BOD1L1: variants seen among roughly 807,000 people sequenced by gnomAD.
BOD1L1 encodes the protein biorientation of chromosomes in cell division protein 1-like 1.
In BOD1L1, 86 loss-of-function variants were observed where a neutral mutation model predicts 240.7. That is an observed-to-expected ratio of 0.36 (90% CI 0.30 to 0.43). BOD1L1 has a LOEUF of 0.43. BOD1L1 is among the 20% of genes least tolerant of loss of function. The pLI is 1.00. For synonymous variants in BOD1L1, 1,268 were observed against 1,272.3 expected (o/e 1.00, Z 0.07); for missense variants, 3,554 against 3,643.5 (o/e 0.98, Z 0.63).
chr4:13,588,662 T>C, intron 15 of BOD1L1, 60 bp downstream of exon 15: 1 of 1,267,168 alleles, frequency 7.9e-7, no homozygotes, highest in Non-Finnish European at 1.1e-6. Flanking sequence ...AAGCCCTTCT[T>C]TGTGTACAGT....
chr4:13,586,899 A>C lies in BOD1L1; in HGVS notation c.8354-424T>G, dbSNP rs535421232. ...TAATCTCTTTATCTATAAGATGACA[A>C]CACCACCTAACTTACAGGTTTATTG... On this transcript the variant is annotated intron_variant, in intron 16 of 25. Coordinates refer to ENST00000040738, the MANE Select transcript of BOD1L1 (RefSeq NM_148894.3). Among the ~76,000 whole-genome samples, 49 of 152,354 alleles carry C rather than the reference A, an allele frequency of 3.2e-4. No homozygotes were observed. The Middle Eastern group carries it at 0.01, about 32-fold the overall frequency.
intron 2 of BOD1L1, among the ~76,000 whole-genome samples, chr4:13,616,436 C>T (rs1325296839): frequency 2.0e-5 from 3 of 152,104 alleles, no homozygotes; most frequent in East Asian, 1.9e-4. Flanking sequence ...GACAAAAGAG[C>T]GATGAGGACA....
intron 25 of BOD1L1, among the ~76,000 whole-genome samples, chr4:13,575,999 G>A (rs1038811174): frequency 2.0e-5 from 3 of 148,136 alleles, no homozygotes; most frequent in African/African-American, 7.5e-5. Context: ...GCCTCCCACG[G>A]TTAAGCAATT....
Position 13,584,346 on chromosome 4 carries a change from C to CTG in BOD1L1, c.8434-1612_8434-1611dup, listed in dbSNP as rs374759828. On this transcript the variant is annotated intron_variant, in intron 17 of 25. Coordinates refer to ENST00000040738, the MANE Select transcript of BOD1L1 (RefSeq NM_148894.3). Reference sequence around the variant, plus strand: ...TCAGCTCAGGACCTCTTCAAGTGCTCTGTGTGTGTGTGTGTGTGAGAGAGA... The same window carrying CTG: ...TCAGCTCAGGACCTCTTCAAGTGCTCTGTGTGTGTGTGTGTGTGTGAGAGAGA... Among the ~76,000 whole-genome samples, 967 of 150,302 alleles carry CTG rather than the reference C, an allele frequency of 6.4e-3. 6 individuals carry two copies. The highest frequency in any genetic ancestry group is 0.021 in the African/African-American group (852 of 40,968).
chr4:13,619,804 T>A lies in BOD1L1; in HGVS notation c.368+139A>T, dbSNP rs192112042. 5.6e-6 allele frequency: 6 copies of A among 1,078,574 alleles called. 1 individual carries two copies. In the African/African-American group the frequency reaches 6.4e-5, roughly 11 times the overall value. 66.8% of individuals were successfully genotyped at this position (1,078,574 alleles called of 1,614,324 possible). A position where few individuals can be genotyped will look rare whatever the true frequency, so the allele number is the denominator to read the frequency against. ...GACCCAAATCCAAAATTATGCTACATCACACGAAATAGCCACACCAAATCC... is the reference window on the plus strand; with the variant it reads ...GACCCAAATCCAAAATTATGCTACAACACACGAAATAGCCACACCAAATCC... On this transcript the variant is annotated intron_variant, in intron 2 of 25. Transcript: ENST00000040738.
intron 17 of BOD1L1, among the ~76,000 whole-genome samples, 179 bp from the exon 18 acceptor site, chr4:13,582,915 A>C (rs1374878874): frequency 1.3e-5 from 2 of 152,246 alleles, no homozygotes; most frequent in East Asian, 1.9e-4. Flanking sequence ...CCATAAAAAA[A>C]ATAAACATTC....
At chr4:13,610,648 T>A (rs1341706551) in intron 6 of BOD1L1, among the ~76,000 whole-genome samples, 4 of 152,254 alleles carry the variant, frequency 2.6e-5, no homozygotes, top group Non-Finnish European at 5.9e-5. Context: ...TCCCTAAGAT[T>A]TGTCACTATG....
chr4:13,600,990 T>G lies in BOD1L1; in HGVS notation c.5910A>C (p.Pro1970=), dbSNP rs1347292330. ...TAGGACCCTCACAACCTCCTGGAAC[T>G]GGTGTCACTTCATCCTTTCCTGAGA... ...SAVSGKDEVT[P]VPGGCEGPMT... Residue 1970 remains proline (P), a synonymous_variant, in exon 10 of 26, where the codon CCA becomes CCC. Coordinates refer to ENST00000040738, the MANE Select transcript of BOD1L1 (RefSeq NM_148894.3). The G allele has an allele frequency of 6.2e-7, 1 of 1,613,696 alleles. No individual in the cohort carries two copies. The highest frequency in any genetic ancestry group is 8.5e-7 in the Non-Finnish European group (1 of 1,179,842).
chr4:13,582,402 A>C (rs1215927243), intron 18 of BOD1L1, 92 bp from the exon 19 acceptor site: 1 of 924,458 alleles, frequency 1.1e-6, no homozygotes, highest in African/African-American at 1.6e-5. Flanking sequence ...GCAGCCACAC[A>C]TAACCACACA....
At chr4:13,586,349 C>A in intron 17 of BOD1L1, 47 bp downstream of exon 17, 1 of 1,253,446 alleles carries the variant, frequency 8.0e-7, no homozygotes, top group South Asian at 1.3e-5. Context: ...GTAATTAGGC[C>A]TCCCTACCCC....
rs1327634542 is a variant in BOD1L1 at position 13,627,682 on chromosome 4, G to C, written c.-95C>G. 64 of 994,280 alleles carry C rather than the reference G, an allele frequency of 6.4e-5. No homozygotes were observed. Among genetic ancestry groups the C allele is most frequent in the Non-Finnish European group, 7.7e-5 (64 of 832,524 alleles). The allele number at this position is 994,280 out of a possible 1,614,324, so 61.6% of individuals were successfully genotyped here. On this transcript the variant is annotated 5_prime_UTR_variant, in exon 1 of 26. Coordinates refer to ENST00000040738, the MANE Select transcript of BOD1L1 (RefSeq NM_148894.3). ...TCCCGCCGCCTGAGGGAAGCCAACG[G>C]GATGTTGTTACGGAACCAGCGGATC...
rs755561841 is a variant in BOD1L1 at position 13,615,362 on chromosome 4, C to T, written c.509G>A (p.Gly170Asp). The change falls in exon 3 of 26, where the codon GGC (glycine) becomes GAC (aspartate). Residue 170 changes from glycine to aspartate, a missense_variant. Transcript: ENST00000040738. ...TTTCTCATCATCGGGAGCTGTGTTG[C>T]CACTTCCTTCCTCTTTGTGATTTAG... ...ATLNHKEEGS[G>D]NTAPDDEKPD... The T allele has an allele frequency of 1.9e-6, 3 of 1,613,416 alleles. No homozygotes were observed. Among genetic ancestry groups the T allele is most frequent in the South Asian group, 2.2e-5 (2 of 91,014 alleles).
rs760277135 is a variant in BOD1L1 at position 13,613,144 on chromosome 4, T to C, written c.1324+368A>G. 5.3e-5 allele frequency among the ~76,000 whole-genome samples: 8 copies of C among 152,156 alleles called. No individual in the cohort carries two copies. Among genetic ancestry groups the C allele is most frequent in the Non-Finnish European group, 7.4e-5 (5 of 68,024 alleles). On this transcript the variant is annotated intron_variant, in intron 5 of 25. Transcript: ENST00000040738. The surrounding 1 kb of genome is among the most constrained non-coding windows in gnomAD (Gnocchi z 4.0). ...CAAATTATCAAATCTAACGGTGGTC[T>C]TAGGGAACCCGGAACTTGCAACTGG...
Position 13,604,935 on chromosome 4 carries a change from T to C in BOD1L1, c.1965A>G (p.Lys655=). ...KNESKLEREH[K]RRTSTPVIME... ...TGATAACAGGGGTAGATGTCCGTCT[T>C]TTATGTTCTCTTTCTAATTTGGATT... Residue 655 remains lysine (K), a synonymous_variant, in exon 10 of 26, where the codon AAA becomes AAG. Transcript: ENST00000040738. 1.2e-6 allele frequency: 2 copies of C among 1,613,768 alleles called. No homozygotes were observed. The highest frequency in any genetic ancestry group is 8.5e-7 in the Non-Finnish European group (1 of 1,179,814).
At position 13,601,203 on chromosome 4, in the gene BOD1L1, A is replaced by G. The variant is rs751450346; in HGVS notation, c.5697T>C (p.Cys1899=). 17 of 1,613,752 alleles carry G rather than the reference A, an allele frequency of 1.1e-5. No individual in the cohort carries two copies. The African/African-American group carries it at 1.7e-4, about 16-fold the overall frequency. The change falls in exon 10 of 26, where the codon TGT becomes TGC. Residue 1899 remains cysteine, a synonymous_variant. Transcript: ENST00000040738. ...TCTGACTGTCCCCTTCTGCACTTTC[A>G]CAAATCAAGACCCCTTCACTTTCTT... ...LGEESEGVLI[C]ESAEGDSQIG...
At chr4:13,574,039 G>A (rs1262473443) in intron 25 of BOD1L1, among the ~76,000 whole-genome samples, 1 of 152,128 alleles carries the variant, frequency 6.6e-6, no homozygotes, top group African/African-American at 2.4e-5. Context: ...TGATGAAGGG[G>A]CTCAATAAGC....
chr4:13,622,221 C>A (rs1034460015), intron 1 of BOD1L1, among the ~76,000 whole-genome samples: 5 of 152,152 alleles, frequency 3.3e-5, no homozygotes, highest in Non-Finnish European at 7.4e-5. Context: ...ATTCTTCTTT[C>A]CGGTATTCCC....
intron 6 of BOD1L1, 63 bp from the exon 7 acceptor site, chr4:13,609,469 A>AT (rs926584687): frequency 3.5e-5 from 39 of 1,126,546 alleles, no homozygotes; most frequent in Admixed American, 7.4e-5. Context: ...GAAAAATTGT[A>AT]TTTTTTTTAA....
chr4:13,604,734 T>C lies in BOD1L1; in HGVS notation c.2166A>G (p.Lys722=). The C allele has an allele frequency of 6.2e-7, 1 of 1,611,424 alleles. No homozygotes were observed. Among genetic ancestry groups the C allele is most frequent in the Non-Finnish European group, 8.5e-7 (1 of 1,179,418 alleles). The change falls in exon 10 of 26, where the codon AAA becomes AAG. Residue 722 remains lysine (K), a synonymous_variant. Coordinates refer to ENST00000040738, the MANE Select transcript of BOD1L1 (RefSeq NM_148894.3). ...CTCTTTCAGGCTTCTCCTTGGAGGA[T>C]TTCACCTCTTTCTTAAGTAGGCTTT... ...HLKSLLKKEV[K]SSKEKPEREK...
Sources: allele counts gnomAD v4.1 joint callset (sites outside exome capture counted in the v4.1 genomes callset), GRCh38; gene constraint gnomAD v4.1.1; non-coding constraint Gnocchi (gnomAD v3.1); transcripts MANE v1.5; gene names NCBI Gene and HGNC (gene_info 2026-07-23, HGNC 2026-07-21).